The following LRRC7 variants were observed in gnomAD, a reference collection of about 807,000 sequenced individuals.
LRRC7 encodes the protein leucine rich repeat containing 7, also known as leucine-rich repeat-containing protein 7.
A neutral mutation model predicts 175.7 loss-of-function variants in LRRC7; 23 were observed. The observed-to-expected ratio is 0.13, with a 90% CI of 0.09 to 0.19. The LOEUF (loss-of-function observed/expected upper bound fraction) is 0.19, where lower values mean the gene tolerates loss of function less well. Ranked by LOEUF, LRRC7 falls within the 10% of genes least tolerant of loss-of-function variation. The pLI, the probability that LRRC7 is intolerant of heterozygous loss-of-function variation, is 1.00. For missense variants in LRRC7, 1,354 were observed against 1,904.7 expected (o/e 0.71, Z 5.38); for synonymous variants, 685 against 680.9 (o/e 1.01, Z -0.09).
At chr1:69,984,658 C>A (rs907240936) in intron 9 of LRRC7, among the ~76,000 whole-genome samples, 1 of 152,158 alleles carries the variant, frequency 6.6e-6, no homozygotes, top group Non-Finnish European at 1.5e-5. Flanking sequence ...TCCAATCATT[C>A]CACTTCTAAC....
chr1:69,759,785 T>A (rs145644109), intron 2 of LRRC7, among the ~76,000 whole-genome samples: 1 of 152,182 alleles, frequency 6.6e-6, no homozygotes, highest in Non-Finnish European at 1.5e-5. Context: ...GAAATGTTTT[T>A]TTCCGCAAAT....
At chr1:69,728,165 AC>A (rs1667183039) in intron 2 of LRRC7, among the ~76,000 whole-genome samples, 3 of 152,156 alleles carry the variant, frequency 2.0e-5, no homozygotes, top group African/African-American at 7.2e-5. Flanking sequence ...TGTATTAGTG[AC>A]AGGTTTTCTG....
intron 20 of LRRC7, among the ~76,000 whole-genome samples, 185 bp from the exon 21 acceptor site, chr1:70,037,928 G>A (rs1659469282): frequency 6.6e-6 from 1 of 152,128 alleles, no homozygotes; most frequent in South Asian, 2.1e-4. Context: ...GGAAAAAAAA[G>A]TTAAAGCAGG....
intron 26 of LRRC7, among the ~76,000 whole-genome samples, chr1:70,121,035 A>G (rs1666179145): frequency 6.6e-6 from 1 of 152,050 alleles, no homozygotes; most frequent in Non-Finnish European, 1.5e-5. Context: ...TGTGACATAA[A>G]TATCACATAA....
At chr1:69,600,467 T>C (rs1647008399) in intron 1 of LRRC7, among the ~76,000 whole-genome samples, 1 of 152,100 alleles carries the variant, frequency 6.6e-6, no homozygotes, top group Admixed American at 6.6e-5. Flanking sequence ...TTAACTGGGA[T>C]TGTGTTATTT....
intron 4 of LRRC7, among the ~76,000 whole-genome samples, chr1:69,821,120 G>A (rs915193044): frequency 3.9e-5 from 6 of 152,166 alleles, no homozygotes; most frequent in Admixed American, 6.5e-5. Context: ...CAGTGATGAT[G>A]AGCATTTTTT....
intron 2 of LRRC7, among the ~76,000 whole-genome samples, chr1:69,691,490 G>A (rs1661854387): frequency 1.3e-5 from 2 of 152,004 alleles, no homozygotes; most frequent in East Asian, 3.9e-4. Flanking sequence ...AAAATAAAAA[G>A]GAATGAATTA....
At chr1:69,961,872 C>T (rs1651124152) in intron 8 of LRRC7, among the ~76,000 whole-genome samples, 1 of 151,982 alleles carries the variant, frequency 6.6e-6, no homozygotes, top group South Asian at 2.1e-4. Flanking sequence ...AACCCAAAAC[C>T]ATTAAAACCC....
At chr1:69,956,735 A>G (rs1178139524) in intron 8 of LRRC7, among the ~76,000 whole-genome samples, 2 of 151,794 alleles carry the variant, frequency 1.3e-5, no homozygotes, top group Non-Finnish European at 3.0e-5. Flanking sequence ...ATTCAGGGTA[A>G]TAAAACTAAC....
chr1:69,806,201 T>C (rs188724167), intron 4 of LRRC7, among the ~76,000 whole-genome samples: 43 of 151,928 alleles, frequency 2.8e-4, no homozygotes, highest in African/African-American at 1.0e-3. Flanking sequence ...AGTGGTAAAT[T>C]GATAAGGAAG....
At position 69,992,316 on chromosome 1, in the gene LRRC7, A is replaced by G. The variant is rs148831437; in HGVS notation, c.932-2245A>G. On this transcript the variant is annotated intron_variant, in intron 10 of 26. Transcript: ENST00000651989. Reference sequence around the variant, plus strand: ...ATGCTGACTGCATATATGTGTGTGTAGTTAAAATTGTAGGAAAAGGCCTTC... The same window carrying G: ...ATGCTGACTGCATATATGTGTGTGTGGTTAAAATTGTAGGAAAAGGCCTTC... Among the ~76,000 whole-genome samples, 876 of 152,250 alleles carry G rather than the reference A, an allele frequency of 5.8e-3. 5 individuals carry two copies. Among genetic ancestry groups the G allele is most frequent in the Middle Eastern group, 0.024 (7 of 294 alleles).
chr1:69,944,471 A>C (rs1054695345), intron 8 of LRRC7, among the ~76,000 whole-genome samples: 3 of 152,164 alleles, frequency 2.0e-5, no homozygotes, highest in African/African-American at 4.8e-5. Context: ...CAGTGAATAC[A>C]TAAGGACAAA....
At chr1:69,911,816 T>C in intron 7 of LRRC7, among the ~76,000 whole-genome samples, 1 of 152,102 alleles carries the variant, frequency 6.6e-6, no homozygotes, top group East Asian at 1.9e-4. Flanking sequence ...TCTGACAGCT[T>C]AGTCACGGAG....
intron 1 of LRRC7, among the ~76,000 whole-genome samples, chr1:69,657,328 A>C (rs568932922): frequency 3.4e-4 from 51 of 152,068 alleles, no homozygotes; most frequent in African/African-American, 1.2e-3. Flanking sequence ...TTGGAGTTTC[A>C]ATAGCACTAT....
At chr1:69,843,111 A>G (rs1681916287) in intron 7 of LRRC7, among the ~76,000 whole-genome samples, 1 of 152,064 alleles carries the variant, frequency 6.6e-6, no homozygotes, top group Admixed American at 6.6e-5. Flanking sequence ...AGGCAACTGA[A>G]TCGCTTGAAC....
chr1:69,767,893 G>A (rs1671792598), intron 3 of LRRC7, among the ~76,000 whole-genome samples: 1 of 151,796 alleles, frequency 6.6e-6, no homozygotes, highest in South Asian at 2.1e-4. Context: ...AGAGGTGCCA[G>A]AAAAAAACAG....
intron 8 of LRRC7, among the ~76,000 whole-genome samples, chr1:69,979,472 GAT>G (rs1653191314): frequency 6.6e-6 from 1 of 152,130 alleles, no homozygotes; most frequent in African/African-American, 2.4e-5. Context: ...GTTACACTTT[GAT>G]CATATACTCT....
At chr1:70,000,270 A>G (rs548694708) in intron 11 of LRRC7, among the ~76,000 whole-genome samples, 2 of 152,322 alleles carry the variant, frequency 1.3e-5, no homozygotes, top group South Asian at 4.1e-4. Flanking sequence ...AGATTATAAT[A>G]CTGTATTTTT....
intron 2 of LRRC7, among the ~76,000 whole-genome samples, chr1:69,707,501 A>G (rs1056301843): frequency 4.0e-5 from 6 of 151,730 alleles, no homozygotes; most frequent in African/African-American, 1.5e-4. Flanking sequence ...TTACTCTTTT[A>G]TTGGTGTTTC....
Sources: gnomAD v4.1 joint callset for allele counts (sites outside exome capture counted in the v4.1 genomes callset) on GRCh38, gnomAD v4.1.1 for gene constraint, MANE v1.5 for transcripts, NCBI Gene and HGNC (gene_info 2026-07-23, HGNC 2026-07-21) for gene names.